Variants in CRYBG3 observed in about 807,000 individuals in gnomAD.
CRYBG3 encodes very large A-kinase anchor protein.
In CRYBG3, 127 loss-of-function variants were observed where a neutral mutation model predicts 244.2. The observed-to-expected ratio is 0.52, with a 90% CI of 0.45 to 0.60. CRYBG3 has a LOEUF of 0.60. Among genes scored for constraint, CRYBG3 ranks in the 20% least tolerant of loss-of-function variants. The pLI, the probability that CRYBG3 is intolerant of heterozygous loss-of-function variation, is 0.00. For missense variants in CRYBG3, 3,325 were observed against 3,442.5 expected (o/e 0.97, Z 0.85); for synonymous variants, 1,132 against 1,195.8 (o/e 0.95, Z 1.10).
At chr3:97,901,039 T>G (rs1396043158) in intron 15 of CRYBG3, among the ~76,000 whole-genome samples, 3 of 152,128 alleles carry the variant, frequency 2.0e-5, no homozygotes, top group Non-Finnish European at 4.4e-5. Flanking sequence ...CACTTCTAAT[T>G]CAGAAGTCCA....
chr3:97,925,531 G>A (rs779277590), intron 17 of CRYBG3, among the ~76,000 whole-genome samples: 6 of 152,066 alleles, frequency 3.9e-5, no homozygotes, highest in Non-Finnish European at 4.4e-5. Context: ...ACAGCTACAC[G>A]TATGAAGAGT....
In CRYBG3 at chr3:97,936,815, G is replaced by A. The variant is rs1486200837; in HGVS notation, c.8412G>A (p.Leu2804=). The change falls in exon 19 of 22, where the codon TTG becomes TTA. Residue 2804 remains leucine (L), a synonymous_variant. Transcript: ENST00000389622. ...TAGCTTATGAAGGATCCAATTTCTT[G>A]GGAAGACAAATCCTACTCAGGCCTA... ...LWIAYEGSNF[L]GRQILLRPNE... 26 of 1,612,586 alleles carry A rather than the reference G, an allele frequency of 1.6e-5. No individual in the cohort carries two copies. The highest frequency in any genetic ancestry group is 2.1e-5 in the Non-Finnish European group (25 of 1,179,276).
At position 97,844,537 on chromosome 3, in the gene CRYBG3, C is replaced by T. The variant is rs569231804; in HGVS notation, c.216+1276C>T. ...CTTAATCCCTTGTTGACTCTGTACT[C>T]ACCCTTTACCAAACCTTCCTGCTTT... On this transcript the variant is annotated intron_variant, in intron 2 of 21. Coordinates refer to ENST00000389622, the MANE Select transcript of CRYBG3 (RefSeq NM_153605.4). 4.6e-5 allele frequency among the ~76,000 whole-genome samples: 7 copies of T among 152,232 alleles called. No homozygotes were observed. In the South Asian group the frequency reaches 1.5e-3, roughly 32 times the overall value.
intron 3 of CRYBG3, among the ~76,000 whole-genome samples, chr3:97,869,418 T>G (rs1430333028): frequency 6.6e-6 from 1 of 152,170 alleles, no homozygotes; most frequent in Non-Finnish European, 1.5e-5. Context: ...AATAGGAAGA[T>G]TCATATGTAA....
intron 21 of CRYBG3, 99 bp downstream of exon 21, chr3:97,942,542 A>G: frequency 9.3e-7 from 1 of 1,075,020 alleles, no homozygotes; most frequent in South Asian, 2.2e-5. Context: ...TATAAGAGAA[A>G]TGTTAAGTCA....
At position 97,822,141 on chromosome 3, in the gene CRYBG3, C is replaced by G; in HGVS notation, c.-66C>G. 1 of 1,355,884 alleles carries G rather than the reference C, an allele frequency of 7.4e-7. No homozygotes were observed. The highest frequency in any genetic ancestry group is 9.5e-7 in the Non-Finnish European group (1 of 1,049,438). The allele number at this position is 1,355,884 out of a possible 1,614,324, so 84.0% of individuals were successfully genotyped here. A position where few individuals can be genotyped will look rare whatever the true frequency, so the allele number is the denominator to read the frequency against. ...GCATCCCGCGGCGCCCGGTCGGGCT[C>G]CGGGCACCAGGCAACACCTAGGCCG... On this transcript the variant is annotated 5_prime_UTR_variant, in exon 1 of 22. Coordinates refer to ENST00000389622, the MANE Select transcript of CRYBG3 (RefSeq NM_153605.4).
chr3:97,928,808 T>C (rs1245186222), intron 17 of CRYBG3, among the ~76,000 whole-genome samples: 3 of 151,922 alleles, frequency 2.0e-5, no homozygotes, highest in Non-Finnish European at 2.9e-5. Flanking sequence ...GGTAGAGTTA[T>C]GTTGACTAGG....
chr3:97,833,722 A>T (rs1475961174), intron 1 of CRYBG3, among the ~76,000 whole-genome samples: 1 of 152,092 alleles, frequency 6.6e-6, no homozygotes, highest in African/African-American at 2.4e-5. Flanking sequence ...GTATAATAAT[A>T]AAAAAAATTG....
At chr3:97,867,511 G>A (rs369290590) in intron 3 of CRYBG3, among the ~76,000 whole-genome samples, 1 of 152,142 alleles carries the variant, frequency 6.6e-6, no homozygotes, top group African/African-American at 2.4e-5. Context: ...AGAATAGAGC[G>A]TATCCGTATG....
chr3:97,832,271 A>T (rs1299487800), intron 1 of CRYBG3, among the ~76,000 whole-genome samples: 1 of 151,724 alleles, frequency 6.6e-6, no homozygotes, highest in Admixed American at 6.6e-5. Context: ...GACAATCCTA[A>T]GGAAAAAGAA....
chr3:97,883,038 A>G (rs1461188852), intron 7 of CRYBG3, among the ~76,000 whole-genome samples: 2 of 152,168 alleles, frequency 1.3e-5, no homozygotes, highest in African/African-American at 4.8e-5. Context: ...CAGGGCACAC[A>G]GAAGAAACAA....
intron 2 of CRYBG3, among the ~76,000 whole-genome samples, chr3:97,846,629 G>A (rs1264017377): frequency 6.6e-6 from 1 of 152,046 alleles, no homozygotes; most frequent in Non-Finnish European, 1.5e-5. Context: ...AGAGCCCTTG[G>A]GCTCAACTTC....
chr3:97,853,377 T>C (rs1025704121), intron 2 of CRYBG3, among the ~76,000 whole-genome samples: 1 of 148,608 alleles, frequency 6.7e-6, no homozygotes, highest in Non-Finnish European at 1.5e-5. Flanking sequence ...CCACAGTATA[T>C]GTACACACAG....
chr3:97,827,340 C>T (rs1460724124), intron 1 of CRYBG3, among the ~76,000 whole-genome samples: 1 of 152,156 alleles, frequency 6.6e-6, no homozygotes, highest in Admixed American at 6.5e-5. Flanking sequence ...CCCTCCCCAA[C>T]CTTCAAGTAG....
chr3:97,930,488 A>G (rs2040085762), intron 17 of CRYBG3, among the ~76,000 whole-genome samples: 1 of 152,016 alleles, frequency 6.6e-6, no homozygotes, highest in Non-Finnish European at 1.5e-5. Context: ...TGGCCACTCA[A>G]TAACTCAGTG....
Position 97,872,137 on chromosome 3 carries a change from A to G in CRYBG3, c.943A>G (p.Asn315Asp). 1 of 1,536,036 alleles carries G rather than the reference A, an allele frequency of 6.5e-7. No individual in the cohort carries two copies. The highest frequency in any genetic ancestry group is 8.7e-7 in the Non-Finnish European group (1 of 1,146,826). ...TAGCAAAACAAGTTTCAACAAGGAAAATTCTTTGACAAATAACCCAGAACT... is the reference window on the plus strand; with the variant it reads ...TAGCAAAACAAGTTTCAACAAGGAAGATTCTTTGACAAATAACCCAGAACT... Reference protein sequence around the residue: ...DCSKTSFNKENSLTNNPELQN... With the variant: ...DCSKTSFNKEDSLTNNPELQN... The change falls in exon 4 of 22, where the codon AAT (asparagine) becomes GAT (aspartate). Residue 315 changes from asparagine to aspartate, a missense_variant. Transcript: ENST00000389622.
chr3:97,829,202 T>C (rs970208468), intron 1 of CRYBG3, among the ~76,000 whole-genome samples: 5 of 152,184 alleles, frequency 3.3e-5, no homozygotes, highest in Non-Finnish European at 1.5e-5. Context: ...TACATTAACT[T>C]ATTCAAAGGG....
chr3:97,894,434 A>G (rs1037680117), intron 11 of CRYBG3, among the ~76,000 whole-genome samples: 2 of 152,020 alleles, frequency 1.3e-5, no homozygotes, highest in Admixed American at 1.3e-4. Context: ...AACTTCTACC[A>G]TTTTTTGGTT....
intron 4 of CRYBG3, among the ~76,000 whole-genome samples, chr3:97,878,676 A>T (rs1303145119): frequency 1.3e-5 from 2 of 152,218 alleles, no homozygotes; most frequent in African/African-American, 4.8e-5. Context: ...GAAAATTGTC[A>T]CTTTGCATTT....
Sources: allele counts gnomAD v4.1 joint callset (sites outside exome capture counted in the v4.1 genomes callset), GRCh38; gene constraint gnomAD v4.1.1; transcripts MANE v1.5; gene names NCBI Gene and HGNC (gene_info 2026-07-23, HGNC 2026-07-21).